The following MROH6 variants were observed in gnomAD, a reference collection of about 807,000 sequenced individuals.
MROH6 encodes maestro heat like repeat family member 6.
A neutral mutation model predicts 67.7 loss-of-function variants in MROH6; 62 were observed. The ratio of observed to expected loss-of-function variants is 0.92; its 90% CI spans 0.75 to 1.13. The LOEUF (loss-of-function observed/expected upper bound fraction) is 1.13. MROH6 is among the 50% of genes most tolerant of loss of function. The probability of loss-of-function intolerance (pLI) is 0.00; values close to 1 mark genes in which losing one functional copy is unlikely to be tolerated. For missense variants in MROH6, 1,175 were observed against 1,029.1 expected (o/e 1.14, Z -1.94); for synonymous variants, 566 against 470.8 (o/e 1.20, Z -2.62).
chr8:143,571,508 A>G (rs1824035288), intron 3 of MROH6, among the ~76,000 whole-genome samples, 159 bp downstream of exon 3: 1 of 152,102 alleles, frequency 6.6e-6, no homozygotes, highest in African/African-American at 2.4e-5. Flanking sequence ...GCTAAAAATG[A>G]GGGGAGCGGG....
intron 6 of MROH6, 62 bp from the exon 7 acceptor site, chr8:143,570,127 C>T (rs1181049982): frequency 3.8e-6 from 6 of 1,576,536 alleles, no homozygotes; most frequent in African/African-American, 2.7e-5. Context: ...CGAGAAGACC[C>T]CATCCCAACA....
At chr8:143,570,097 C>CAG (rs752874878) in intron 6 of MROH6, 32 bp from the exon 7 acceptor site, 82 of 1,596,934 alleles carry the variant, frequency 5.1e-5, no homozygotes, top group Non-Finnish European at 6.8e-5. Flanking sequence ...GCTCTCGCTC[C>CAG]GTTTGGCGGC....
rs1436963585 is a variant in MROH6, at chr8:143,566,407, T to G, written c.*832A>C. On this transcript the variant is annotated 3_prime_UTR_variant, in exon 14 of 14. Coordinates refer to ENST00000398882, the MANE Select transcript of MROH6 (RefSeq NM_001100878.2). ...ATGCAAGGACATTTCCAGGCAGGCATCCTAGGTGCAGGGACCTGCCGCCCA... is the reference window on the plus strand; with the variant it reads ...ATGCAAGGACATTTCCAGGCAGGCAGCCTAGGTGCAGGGACCTGCCGCCCA... 1 of 152,284 alleles carries G rather than the reference T, an allele frequency of 6.6e-6. No individual in the cohort carries two copies. Among genetic ancestry groups the G allele is most frequent in the African/African-American group, 2.4e-5 (1 of 41,454 alleles). 9.4% of individuals were successfully genotyped at this position (152,284 alleles called of 1,614,324 possible).
rs531503330 is a variant in MROH6, at chr8:143,572,632, A to C, written c.83T>G (p.Ile28Ser). 4 of 1,584,674 alleles carry C rather than the reference A, an allele frequency of 2.5e-6. No individual in the cohort carries two copies. In the Admixed American group the frequency reaches 7.0e-5, roughly 28 times the overall value. Residue 28 changes from isoleucine to serine, a missense_variant, in exon 1 of 14, where the codon ATC (isoleucine) becomes AGC (serine). Coordinates refer to ENST00000398882, the MANE Select transcript of MROH6 (RefSeq NM_001100878.2). ...CTGGGGCTGCCCCTGCCTGGCCCGG[A>C]TTCCTTCAGTCAGTGCTGTCAGGGT... ...ALTLTALTEG[I>S]RARQGQPQGP...
At chr8:143,570,842 G>GCC in intron 4 of MROH6, 35 bp downstream of exon 4, 9 of 420,720 alleles carry the variant, frequency 2.1e-5, no homozygotes, top group Non-Finnish European at 3.2e-5. Context: ...CCCCACCCCC[G>GCC]CCCCCACCCC....
Position 143,571,757 on chromosome 8 carries a change from C to T in MROH6, c.512G>A (p.Arg171Lys), listed in dbSNP as rs1396456764. The stretch of plus-strand genomic sequence containing the variant: ...TGCGCTCAGCACTCGCAGGGCCGCC[C>T]TCCAGGGCCTCCCCTCCGCTAGGCT... ...VPSLAEGRPW[R>K]AALRVLSALA... Residue 171 changes from arginine (R) to lysine (K), a missense_variant, in exon 3 of 14, where the codon AGG (arginine) becomes AAG (lysine). Transcript: ENST00000398882. 3 of 1,548,464 alleles carry T rather than the reference C, an allele frequency of 1.9e-6. No individual in the cohort carries two copies. The highest frequency in any genetic ancestry group is 4.9e-5 in the East Asian group (2 of 41,056).
chr8:143,571,911 AT>A, intron 2 of MROH6, 90 bp from the exon 3 acceptor site: 1 of 1,464,224 alleles, frequency 6.8e-7, no homozygotes, highest in Non-Finnish European at 9.1e-7. Flanking sequence ...CCCCACCCTG[AT>A]CCCGCCTGGC....
At position 143,572,265 on chromosome 8, in the gene MROH6, C is replaced by T; in HGVS notation, c.295-80G>A. The T allele has an allele frequency of 2.6e-6, 4 of 1,567,440 alleles. No homozygotes were observed. The South Asian group carries it at 4.7e-5, about 19-fold the overall frequency. ...CCTGGTCCCTCGGCCTCCCACCTGG[C>T]TTCCTACAAAATCCCTTGCTCCTCT... On this transcript the variant is annotated intron_variant, in intron 1 of 13. Coordinates refer to ENST00000398882, the MANE Select transcript of MROH6 (RefSeq NM_001100878.2).
At chr8:143,568,422 G>T (rs1312501478) in intron 10 of MROH6, 130 bp downstream of exon 10, 13 of 1,427,734 alleles carry the variant, frequency 9.1e-6, no homozygotes, top group Non-Finnish European at 1.2e-5. Flanking sequence ...TAACCTGGCC[G>T]CCCGTCACAC....
chr8:143,568,850 G>A (rs1369601600), intron 9 of MROH6, 131 bp from the exon 10 acceptor site: 1 of 678,298 alleles, frequency 1.5e-6, no homozygotes, highest in African/African-American at 1.9e-5. Flanking sequence ...TCTGGGGACA[G>A]GGAACAGGGC....
chr8:143,572,397 A>C, intron 1 of MROH6, 24 bp downstream of exon 1: 7 of 1,535,668 alleles, frequency 4.6e-6, no homozygotes, highest in Non-Finnish European at 5.2e-6. Flanking sequence ...CGGTTCGCAC[A>C]ACATCCCTTC....
At chr8:143,570,826 G>T in intron 4 of MROH6, 51 bp downstream of exon 4, 2 of 1,171,218 alleles carry the variant, frequency 1.7e-6, no homozygotes, top group South Asian at 1.4e-5. Context: ...CCCGCTCCTC[G>T]CCACCCCCCA....
rs757730419 is a variant in MROH6 at position 143,567,270 on chromosome 8, C to A, written c.2129G>T (p.Arg710Leu). The A allele has an allele frequency of 8.2e-7, 1 of 1,222,190 alleles. No individual in the cohort carries two copies. Among genetic ancestry groups the A allele is most frequent in the Non-Finnish European group, 1.0e-6 (1 of 981,680 alleles). 75.7% of individuals were successfully genotyped at this position (1,222,190 alleles called of 1,614,324 possible). A position where few individuals can be genotyped will look rare whatever the true frequency, so the allele number is the denominator to read the frequency against. The change falls in exon 14 of 14, where the codon CGC (arginine) becomes CTC (leucine). Residue 710 changes from arginine (R) to leucine (L), a missense_variant. Transcript: ENST00000398882. ...SPFQRRSVAG[R>L]WGCSGPRRA ...TCGGCGGGGTCCGGAGCAGCCCCAG[C>A]GGCCCGCGACGCTCCGGCGCTGGAA...
At position 143,570,235 on chromosome 8, in the gene MROH6, C is replaced by T. The variant is rs1823930083; in HGVS notation, c.1043+8G>A. 1 of 1,577,002 alleles carries T rather than the reference C, an allele frequency of 6.3e-7. No individual in the cohort carries two copies. On this transcript the variant is annotated splice_region_variant and intron_variant, in intron 6 of 13. Coordinates refer to ENST00000398882, the MANE Select transcript of MROH6 (RefSeq NM_001100878.2). ...TGACACCCTGGGGCCCCTCCTCACC[C>T]TCCTCACCTGGCCAGCAGCAGGACG...
At chr8:143,571,942 C>T (rs887317236) in intron 2 of MROH6, 91 bp downstream of exon 2, 2 of 1,492,260 alleles carry the variant, frequency 1.3e-6, no homozygotes, top group Admixed American at 2.3e-5. Context: ...CTGAAGATGG[C>T]AGGGTCAGGC....
chr8:143,572,036 G>C lies in MROH6; in HGVS notation c.444C>G (p.Asp148Glu), dbSNP rs757180280. ...ALEARGERLE[D>E]QVHALVRGLL... Reference sequence around the variant, plus strand: ...CATGAAGTGGGTGAAGGCTGACCTGGTCCTCCAACCGCTCGCCCCGGGCCT... The same window carrying C: ...CATGAAGTGGGTGAAGGCTGACCTGCTCCTCCAACCGCTCGCCCCGGGCCT... Residue 148 changes from aspartate (D) to glutamate (E), a missense_variant, in exon 2 of 14, where the codon GAC (aspartate) becomes GAG (glutamate). Asp to Glu is a conservative substitution (Grantham distance 45). Transcript: ENST00000398882. The C allele has an allele frequency of 3.1e-6, 5 of 1,610,884 alleles. No individual in the cohort carries two copies. Among genetic ancestry groups the C allele is most frequent in the Non-Finnish European group, 4.2e-6 (5 of 1,178,882 alleles).
intron 9 of MROH6, 51 bp downstream of exon 9, chr8:143,569,390 G>T: frequency 7.3e-7 from 1 of 1,361,826 alleles, no homozygotes; most frequent in Non-Finnish European, 9.4e-7. Context: ...TGGAAGGGCG[G>T]GGGCGGTGAC....
chr8:143,569,367 G>A (rs1823853563), intron 9 of MROH6, 74 bp downstream of exon 9: 2 of 1,290,246 alleles, frequency 1.6e-6, no homozygotes, highest in African/African-American at 3.3e-5. Flanking sequence ...GGCGGGGCCT[G>A]GGAGGGAGAG....
intron 3 of MROH6, among the ~76,000 whole-genome samples, chr8:143,571,257 C>A (rs1280499610): frequency 6.6e-6 from 1 of 152,180 alleles, no homozygotes; most frequent in Non-Finnish European, 1.5e-5. Context: ...GTGAAACAAA[C>A]CTGGCATTAT....
Sources: allele counts gnomAD v4.1 joint callset (sites outside exome capture counted in the v4.1 genomes callset), GRCh38; gene constraint gnomAD v4.1.1; transcripts MANE v1.5; gene names NCBI Gene and HGNC (gene_info 2026-07-23, HGNC 2026-07-21).